ARHGEF3: variants seen among roughly 807,000 people sequenced by gnomAD.
ARHGEF3 encodes 59.8 kDA protein.
Under a neutral mutation model 63.2 loss-of-function variants are expected in ARHGEF3, and 28 were observed. The observed-to-expected ratio is 0.44, with a 90% CI of 0.33 to 0.61. The LOEUF is 0.61. Among genes scored for constraint, ARHGEF3 ranks in the 20% least tolerant of loss-of-function variants. The pLI, the probability that ARHGEF3 is intolerant of heterozygous loss-of-function variation, is 0.03. For synonymous variants in ARHGEF3, 266 were observed against 254.2 expected, an observed-to-expected ratio of 1.05 and a Z score of -0.44; for missense variants, 533 against 659.3, an observed-to-expected ratio of 0.81 and a Z score of 2.10.
chr3:56,901,822 C>T (rs1488582952), intron 3 of ARHGEF3, among the ~76,000 whole-genome samples: 1 of 152,082 alleles, frequency 6.6e-6, no homozygotes, highest in Non-Finnish European at 1.5e-5. Flanking sequence ...ATATTTTTGT[C>T]AATACATAAC....
intron 4 of ARHGEF3, among the ~76,000 whole-genome samples, chr3:56,861,764 C>T (rs1210156342): frequency 6.6e-6 from 1 of 152,088 alleles, no homozygotes; most frequent in Non-Finnish European, 1.5e-5. Context: ...TCCCAAAGAT[C>T]CTGCCGGAAG....
At chr3:57,015,690 C>T (rs771390508) in intron 2 of ARHGEF3, among the ~76,000 whole-genome samples, 9 of 151,506 alleles carry the variant, frequency 5.9e-5, no homozygotes, top group Non-Finnish European at 1.2e-4. Flanking sequence ...GATCCTCTTG[C>T]CTCTGCCTCT....
intron 1 of ARHGEF3, among the ~76,000 whole-genome samples, chr3:57,077,104 C>T (rs759998609): frequency 1.3e-5 from 2 of 152,140 alleles, no homozygotes; most frequent in Non-Finnish European, 2.9e-5. Flanking sequence ...TGTGCAAAGG[C>T]CCTGAGAAGT....
At chr3:56,796,519 G>C (rs947516510) in intron 1 of ARHGEF3, among the ~76,000 whole-genome samples, 1 of 152,220 alleles carries the variant, frequency 6.6e-6, no homozygotes, top group Admixed American at 6.5e-5. Flanking sequence ...CCAAATGGGG[G>C]CTTGCAAATC....
intron 4 of ARHGEF3, among the ~76,000 whole-genome samples, chr3:56,852,519 C>G (rs2039714370): frequency 6.6e-6 from 1 of 152,174 alleles, no homozygotes; most frequent in African/African-American, 2.4e-5. Flanking sequence ...TACACGTGCA[C>G]ACACACATCC....
chr3:56,889,035 A>G (rs1384907590), intron 3 of ARHGEF3, among the ~76,000 whole-genome samples: 1 of 152,136 alleles, frequency 6.6e-6, no homozygotes. Flanking sequence ...TGGAAGGATC[A>G]AGTGAACATT....
At chr3:56,882,621 C>T (rs1348053970) in intron 3 of ARHGEF3, among the ~76,000 whole-genome samples, 1 of 148,518 alleles carries the variant, frequency 6.7e-6, no homozygotes, top group Non-Finnish European at 1.5e-5. Flanking sequence ...TCGGTTCAAG[C>T]GATTCTCCTG....
chr3:56,852,658 GA>G (rs1007769759), intron 4 of ARHGEF3, among the ~76,000 whole-genome samples: 10 of 146,856 alleles, frequency 6.8e-5, no homozygotes, highest in Non-Finnish European at 7.5e-5. Flanking sequence ...TGGGATTAAA[GA>G]AAAAAAAAAC....
At chr3:56,928,194 G>C (rs1164372064) in intron 3 of ARHGEF3, among the ~76,000 whole-genome samples, 1 of 152,184 alleles carries the variant, frequency 6.6e-6, no homozygotes, top group African/African-American at 2.4e-5. Context: ...CCTGTAGGCA[G>C]TGAAAAGAAA....
intron 8 of ARHGEF3, 112 bp downstream of exon 8, chr3:56,737,073 C>T: frequency 8.2e-7 from 1 of 1,219,292 alleles, no homozygotes. Context: ...GACTCCATCT[C>T]AAAAAAGAAC....
At chr3:56,729,680 AAG>A (rs1237540570) in intron 9 of ARHGEF3, 58 bp from the exon 10 acceptor site, 3 of 1,401,100 alleles carry the variant, frequency 2.1e-6, no homozygotes, top group Non-Finnish European at 3.0e-6. Context: ...CCTCAGGCCA[AAG>A]AGAACACACG....
intron 1 of ARHGEF3, among the ~76,000 whole-genome samples, chr3:57,071,502 A>G (rs1183051781): frequency 3.3e-5 from 5 of 152,150 alleles, no homozygotes; most frequent in African/African-American, 1.2e-4. Flanking sequence ...TCTACTAAAA[A>G]TACAAAAATC....
intron 3 of ARHGEF3, among the ~76,000 whole-genome samples, chr3:56,887,272 G>A (rs2040954944): frequency 6.6e-6 from 1 of 152,202 alleles, no homozygotes; most frequent in Admixed American, 6.5e-5. Context: ...AGCAACATGT[G>A]CTGGGGAACG....
At chr3:56,787,718 G>GATA (rs58762340) in intron 1 of ARHGEF3, among the ~76,000 whole-genome samples, 14 of 150,796 alleles carry the variant, frequency 9.3e-5, no homozygotes, top group South Asian at 8.4e-4. Context: ...AACTTCCTCT[G>GATA]ATAATAATAA....
intron 3 of ARHGEF3, among the ~76,000 whole-genome samples, chr3:56,909,700 G>A (rs1043206765): frequency 3.9e-5 from 6 of 152,122 alleles, no homozygotes; most frequent in Non-Finnish European, 7.3e-5. Context: ...TGGGATAGGC[G>A]TTCTCATCAC....
chr3:56,779,597 A>C (rs1309601749), intron 1 of ARHGEF3, among the ~76,000 whole-genome samples: 2 of 151,990 alleles, frequency 1.3e-5, no homozygotes, highest in Non-Finnish European at 2.9e-5. Context: ...GGTTCACGCC[A>C]TGGACAATTC....
At chr3:56,959,350 C>CA (rs1418134868) in intron 2 of ARHGEF3, among the ~76,000 whole-genome samples, 1 of 152,114 alleles carries the variant, frequency 6.6e-6, no homozygotes. Flanking sequence ...ATCAACGGGA[C>CA]ATTTAGCCCC....
chr3:56,873,700 T>C (rs1230274880), intron 4 of ARHGEF3, among the ~76,000 whole-genome samples: 1 of 152,120 alleles, frequency 6.6e-6, no homozygotes, highest in Non-Finnish European at 1.5e-5. Flanking sequence ...GTGAGCCACC[T>C]CACCTGGCAT....
At chr3:56,742,880 T>C (rs4681794) in intron 7 of ARHGEF3, among the ~76,000 whole-genome samples, 58,733 of 152,046 alleles carry the variant, frequency 0.39, 12,272 homozygotes, top group African/African-American at 0.53. Flanking sequence ...ATCATATTCT[T>C]ATCTGTTTTT....
Sources: allele counts gnomAD v4.1 joint callset (sites outside exome capture counted in the v4.1 genomes callset), GRCh38; gene constraint gnomAD v4.1.1; transcripts MANE v1.5; gene names NCBI Gene and HGNC (gene_info 2026-07-23, HGNC 2026-07-21).